Variants in GRM7 observed in about 807,000 individuals in gnomAD.
GRM7 encodes metabotropic glutamate receptor 7.
A neutral mutation model predicts 84.5 loss-of-function variants in GRM7; 35 were observed. That is an observed-to-expected ratio of 0.41 (90% CI 0.32 to 0.55). GRM7 has a LOEUF of 0.55. Ranked by LOEUF, GRM7 falls within the 20% of genes least tolerant of loss-of-function variation. The pLI, the probability that GRM7 is intolerant of heterozygous loss-of-function variation, is 0.19. For synonymous variants in GRM7, 487 were observed against 455.1 expected (o/e 1.07, Z -0.89); for missense variants, 1,003 against 1,194.6 (o/e 0.84, Z 2.36).
intron 1 of GRM7, among the ~76,000 whole-genome samples, chr3:7,110,118 A>C (rs1332832570): frequency 6.6e-6 from 1 of 152,054 alleles, no homozygotes; most frequent in Non-Finnish European, 1.5e-5. Context: ...TGAAGATGTA[A>C]AACTTCAATC....
At chr3:7,117,415 AC>A (rs551205476) in intron 1 of GRM7, among the ~76,000 whole-genome samples, 58 of 152,274 alleles carry the variant, frequency 3.8e-4, no homozygotes, top group Middle Eastern at 3.4e-3. Context: ...TTCCCTTGGA[AC>A]CCATAGACTA....
chr3:6,923,590 A>G (rs1187678571), intron 1 of GRM7, among the ~76,000 whole-genome samples: 1 of 152,106 alleles, frequency 6.6e-6, no homozygotes. Context: ...TTTTTGTTTT[A>G]ACTTTTACTA....
chr3:7,525,323 A>G (rs1700752438), intron 7 of GRM7, among the ~76,000 whole-genome samples: 2 of 152,228 alleles, frequency 1.3e-5, no homozygotes, highest in South Asian at 2.1e-4. Flanking sequence ...TGTTAAAAAT[A>G]CAGTGTATTG....
chr3:7,215,920 C>G lies in GRM7; in HGVS notation c.736+69252C>G, dbSNP rs993554806. Among the ~76,000 whole-genome samples, 4 of 152,242 alleles carry G rather than the reference C, an allele frequency of 2.6e-5. No homozygotes were observed. The East Asian group carries it at 5.8e-4, about 22-fold the overall frequency. On this transcript the variant is annotated intron_variant, in intron 2 of 9. Transcript: ENST00000357716. ...AATACTTGGCATCTCCTGAGGGATTCCCATCCAGTCGTCTCTCTTTGGAAA... is the reference window on the plus strand; with the variant it reads ...AATACTTGGCATCTCCTGAGGGATTGCCATCCAGTCGTCTCTCTTTGGAAA...
At chr3:7,713,338 C>T (rs979730458) in intron 9 of GRM7, among the ~76,000 whole-genome samples, 2 of 151,536 alleles carry the variant, frequency 1.3e-5, no homozygotes, top group African/African-American at 2.4e-5. Flanking sequence ...AGTTTGACCA[C>T]GTTGGCCAGG....
At position 7,188,402 on chromosome 3, in the gene GRM7, G is replaced by A. The variant is rs1695591439; in HGVS notation, c.736+41734G>A. Among the ~76,000 whole-genome samples, 1 of 152,054 alleles carries A rather than the reference G, an allele frequency of 6.6e-6. No homozygotes were observed. The highest frequency in any genetic ancestry group is 1.5e-5 in the Non-Finnish European group (1 of 68,020). ...GGTGTTGGCAAACTATAATCTGCAT[G>A]GCATATCCAGCTCATATCTTGTTTT... On this transcript the variant is annotated intron_variant, in intron 2 of 9. Transcript: ENST00000357716. This position sits in a 1 kb window ranked among gnomAD's most constrained non-coding sequence, Gnocchi z 4.2.
intron 9 of GRM7, chr3:7,681,478 G>A (rs1406507225): frequency 6.6e-6 from 1 of 152,226 alleles, no homozygotes; most frequent in African/African-American, 2.4e-5. Flanking sequence ...TTTATGAATA[G>A]TTGAGTGAAT....
intron 8 of GRM7, among the ~76,000 whole-genome samples, chr3:7,614,385 G>C (rs1369531373): frequency 1.3e-5 from 2 of 152,142 alleles, no homozygotes; most frequent in Non-Finnish European, 2.9e-5. Context: ...TCCCTCTGTA[G>C]TTTGGAGAAG....
intron 2 of GRM7, among the ~76,000 whole-genome samples, chr3:7,257,132 G>T (rs898486777): frequency 6.6e-6 from 1 of 152,118 alleles, no homozygotes; most frequent in Non-Finnish European, 1.5e-5. Flanking sequence ...TCCCTTTTTA[G>T]GGAGCACTAA....
chr3:7,353,736 A>T (rs1426507027), intron 4 of GRM7, among the ~76,000 whole-genome samples: 1 of 152,156 alleles, frequency 6.6e-6, no homozygotes, highest in African/African-American at 2.4e-5. Flanking sequence ...TGGGAACCAC[A>T]GTCACTCAAT....
intron 2 of GRM7, among the ~76,000 whole-genome samples, chr3:7,280,303 T>G (rs1206048535): frequency 6.6e-6 from 1 of 152,234 alleles, no homozygotes; most frequent in African/African-American, 2.4e-5. Flanking sequence ...AAAATATTAC[T>G]TCTTGTCATA....
chr3:6,876,973 C>A (rs1695330394), intron 1 of GRM7, among the ~76,000 whole-genome samples: 1 of 152,136 alleles, frequency 6.6e-6, no homozygotes, highest in Non-Finnish European at 1.5e-5. Context: ...ATTTCCTCAG[C>A]TCTTTTTGTA....
At chr3:7,048,549 A>T (rs1696880447) in intron 1 of GRM7, among the ~76,000 whole-genome samples, 1 of 151,974 alleles carries the variant, frequency 6.6e-6, no homozygotes, top group Non-Finnish European at 1.5e-5. Context: ...TAACAGATTT[A>T]TAGCTTTAGA....
intron 1 of GRM7, among the ~76,000 whole-genome samples, chr3:7,127,707 C>T (rs188272889): frequency 3.5e-4 from 53 of 152,140 alleles, no homozygotes; most frequent in Admixed American, 6.5e-4. Flanking sequence ...GCTACACACC[C>T]ATAAATGAGA....
intron 8 of GRM7, among the ~76,000 whole-genome samples, chr3:7,636,629 G>T (rs867453216): frequency 1.2e-4 from 18 of 152,280 alleles, no homozygotes; most frequent in Non-Finnish European, 1.8e-4. Flanking sequence ...AGACAGAAAT[G>T]TTCAGATGCT....
At chr3:6,945,221 C>A (rs960414492) in intron 1 of GRM7, among the ~76,000 whole-genome samples, 1 of 150,302 alleles carries the variant, frequency 6.7e-6, no homozygotes, top group Admixed American at 6.7e-5. Flanking sequence ...CCTCCCCCCA[C>A]CCCACAACAG....
chr3:7,569,540 T>C (rs1012045467), intron 7 of GRM7, among the ~76,000 whole-genome samples: 2 of 152,096 alleles, frequency 1.3e-5, no homozygotes, highest in Non-Finnish European at 2.9e-5. Flanking sequence ...AAAAGCAGGC[T>C]GCCCCAGCCA....
chr3:7,172,838 A>G (rs1695029150), intron 2 of GRM7, among the ~76,000 whole-genome samples: 1 of 152,052 alleles, frequency 6.6e-6, no homozygotes, highest in South Asian at 2.1e-4. Flanking sequence ...TGAGTCTCTA[A>G]TGGATACAGA....
At chr3:7,713,135 T>C (rs572460500) in intron 9 of GRM7, among the ~76,000 whole-genome samples, 41,108 of 128,436 alleles carry the variant, frequency 0.32, 6,778 homozygotes, top group East Asian at 0.73. Context: ...TTTTTTTTTT[T>C]TTTTTTTTTT....
Sources: allele counts gnomAD v4.1 joint callset (sites outside exome capture counted in the v4.1 genomes callset), GRCh38; gene constraint gnomAD v4.1.1; non-coding constraint Gnocchi (gnomAD v3.1); transcripts MANE v1.5; gene names NCBI Gene and HGNC (gene_info 2026-07-23, HGNC 2026-07-21).